The following RAPGEF2 variants were observed in gnomAD, a reference collection of about 807,000 sequenced individuals.
The protein encoded by RAPGEF2 is Rap guanine nucleotide exchange factor 2, also known as PDZ domain containing guanine nucleotide exchange factor (GEF) 1.
A neutral mutation model predicts 186.7 loss-of-function variants in RAPGEF2; 54 were observed. That is an observed-to-expected ratio of 0.29 (90% CI 0.23 to 0.36). The LOEUF (loss-of-function observed/expected upper bound fraction) is 0.36, where lower values mean the gene tolerates loss of function less well. Ranked by LOEUF, RAPGEF2 falls within the 10% of genes least tolerant of loss-of-function variation. The pLI is 1.00. For synonymous variants in RAPGEF2, 712 were observed against 705.9 expected, an observed-to-expected ratio of 1.01 and a Z score of -0.14; for missense variants, 1,532 against 2,045.0, an observed-to-expected ratio of 0.75 and a Z score of 4.84.
At chr4:159,161,979 C>T (rs1052385436) in intron 1 of RAPGEF2, among the ~76,000 whole-genome samples, 3 of 152,100 alleles carry the variant, frequency 2.0e-5, no homozygotes, top group Non-Finnish European at 4.4e-5. Context: ...TGCATCATAA[C>T]GTTCTGGAGA....
At chr4:159,228,752 A>ATG (rs963137940) in intron 4 of RAPGEF2, among the ~76,000 whole-genome samples, 138 of 152,192 alleles carry the variant, frequency 9.1e-4, no homozygotes, top group African/African-American at 2.9e-3. Context: ...TACTTGGTGT[A>ATG]TGTGTGTGTG....
chr4:159,287,931 A>T (rs997053673), intron 7 of RAPGEF2, among the ~76,000 whole-genome samples: 1 of 152,160 alleles, frequency 6.6e-6, no homozygotes, highest in Non-Finnish European at 1.5e-5. Context: ...CTTTATACAA[A>T]AACTTGTATT....
chr4:159,177,834 T>C (rs749643387), intron 1 of RAPGEF2, among the ~76,000 whole-genome samples: 4 of 152,248 alleles, frequency 2.6e-5, no homozygotes, highest in African/African-American at 9.6e-5. Context: ...CTCTAATTCA[T>C]TGCTAGTGAT....
intron 1 of RAPGEF2, among the ~76,000 whole-genome samples, chr4:159,171,431 G>GT (rs1745893949): frequency 6.6e-6 from 1 of 152,102 alleles, no homozygotes; most frequent in Non-Finnish European, 1.5e-5. Context: ...TGAGTGACTT[G>GT]TTCAGGGATG....
At chr4:159,240,310 GT>G (rs1753807797) in intron 5 of RAPGEF2, among the ~76,000 whole-genome samples, 1 of 121,310 alleles carries the variant, frequency 8.2e-6, no homozygotes, top group South Asian at 2.7e-4. Context: ...TTTATTCCCT[GT>G]TCATTCATCA....
intron 6 of RAPGEF2, among the ~76,000 whole-genome samples, chr4:159,243,462 C>T (rs4691548): frequency 0.61 from 93,228 of 151,672 alleles, 29,655 homozygotes; most frequent in African/African-American, 0.73. Context: ...TACCCCTACG[C>T]CATATTTACT....
intron 3 of RAPGEF2, among the ~76,000 whole-genome samples, chr4:159,206,129 A>G (rs1301894642): frequency 6.6e-6 from 1 of 151,962 alleles, no homozygotes; most frequent in East Asian, 1.9e-4. Context: ...ACGGGGTTTC[A>G]CCGTGTTAGC....
chr4:159,133,799 G>A (rs1741385146), intron 1 of RAPGEF2, among the ~76,000 whole-genome samples: 1 of 152,092 alleles, frequency 6.6e-6, no homozygotes, highest in Admixed American at 6.5e-5. Flanking sequence ...TAGCCAGGAT[G>A]GTCTCGATCT....
At chr4:159,165,263 A>G (rs935691568) in intron 1 of RAPGEF2, among the ~76,000 whole-genome samples, 18 of 152,310 alleles carry the variant, frequency 1.2e-4, no homozygotes, top group African/African-American at 4.3e-4. Context: ...TTTAAATACT[A>G]CTTTATAAAA....
intron 1 of RAPGEF2, among the ~76,000 whole-genome samples, chr4:159,120,290 G>A (rs750130680): frequency 6.6e-6 from 1 of 152,076 alleles, no homozygotes; most frequent in East Asian, 1.9e-4. Context: ...AAAGTTCTAG[G>A]ATTACAGGCG....
At chr4:159,293,033 C>G (rs1761440439) in intron 7 of RAPGEF2, among the ~76,000 whole-genome samples, 1 of 151,882 alleles carries the variant, frequency 6.6e-6, no homozygotes, top group South Asian at 2.1e-4. Flanking sequence ...CAACTTTACA[C>G]AAAGACAAAT....
intron 1 of RAPGEF2, among the ~76,000 whole-genome samples, chr4:159,124,138 A>C (rs1740026908): frequency 6.6e-6 from 1 of 151,922 alleles, no homozygotes; most frequent in Non-Finnish European, 1.5e-5. Flanking sequence ...TACGGGCGTG[A>C]GCCACTGCAC....
chr4:159,307,977 CA>C (rs1234631451), intron 8 of RAPGEF2, among the ~76,000 whole-genome samples: 1 of 149,888 alleles, frequency 6.7e-6, no homozygotes, highest in Non-Finnish European at 1.5e-5. Context: ...TCTCAAAAAA[CA>C]AAAAAGTAAC....
At chr4:159,219,410 C>T (rs974251265) in intron 4 of RAPGEF2, among the ~76,000 whole-genome samples, 5 of 123,022 alleles carry the variant, frequency 4.1e-5, no homozygotes, top group African/African-American at 1.3e-4. Context: ...GGCTGGAGTG[C>T]AGTGGTGCGA....
chr4:159,217,669 A>G (rs1751113068), intron 4 of RAPGEF2, among the ~76,000 whole-genome samples: 1 of 152,124 alleles, frequency 6.6e-6, no homozygotes, highest in South Asian at 2.1e-4. Flanking sequence ...TTGGTTATAT[A>G]CCCAGTAATG....
At chr4:159,311,764 T>C (rs1763976046) in intron 8 of RAPGEF2, among the ~76,000 whole-genome samples, 1 of 152,190 alleles carries the variant, frequency 6.6e-6, no homozygotes, top group African/African-American at 2.4e-5. Flanking sequence ...TTAACTCCAC[T>C]TAATCTCTAA....
intron 7 of RAPGEF2, among the ~76,000 whole-genome samples, chr4:159,266,589 C>A (rs1340812393): frequency 6.6e-6 from 1 of 151,582 alleles, no homozygotes. Context: ...AAAAAAAAAA[C>A]CTGGGTAGGT....
At chr4:159,273,887 G>A (rs1348184587) in intron 7 of RAPGEF2, among the ~76,000 whole-genome samples, 2 of 152,082 alleles carry the variant, frequency 1.3e-5, no homozygotes, top group Non-Finnish European at 2.9e-5. Context: ...CCATCTCCCG[G>A]GTTCAAGCAG....
chr4:159,119,026 G>A lies in RAPGEF2; in HGVS notation c.69+14795G>A, dbSNP rs139411609. Among the ~76,000 whole-genome samples the A allele has an allele frequency of 8.6e-3, 1,311 of 152,206 alleles. 24 individuals are homozygous for A. The highest frequency in any genetic ancestry group is 0.03 in the African/African-American group (1,245 of 41,498). On this transcript the variant is annotated intron_variant, in intron 1 of 29. Transcript: ENST00000691494. Reference sequence around the variant, plus strand: ...ACTTTTCATCGTTGGTTTAATGACTGATTCACTAAAGTGATTTTAATATGT... The same window carrying A: ...ACTTTTCATCGTTGGTTTAATGACTAATTCACTAAAGTGATTTTAATATGT...
Sources: allele counts gnomAD v4.1 joint callset (sites outside exome capture counted in the v4.1 genomes callset), GRCh38; gene constraint gnomAD v4.1.1; transcripts MANE v1.5; gene names NCBI Gene and HGNC (gene_info 2026-07-23, HGNC 2026-07-21).